AASDH: variants seen among roughly 807,000 people sequenced by gnomAD.
AASDH encodes aminoadipate-semialdehyde dehydrogenase.
In AASDH, 81 loss-of-function variants were observed where a neutral mutation model predicts 102.3. The ratio of observed to expected loss-of-function variants is 0.79; its 90% CI spans 0.66 to 0.95. The LOEUF is 0.95. AASDH is among the 40% of genes least tolerant of loss of function. The pLI is 0.00. For synonymous variants in AASDH, 398 were observed against 454.0 expected (o/e 0.88, Z 1.57); for missense variants, 1,203 against 1,266.2 (o/e 0.95, Z 0.76).
chr4:56,362,150 AAGCTT>A (rs1441432130), intron 5 of AASDH, among the ~76,000 whole-genome samples: 5 of 152,178 alleles, frequency 3.3e-5, no homozygotes. Context: ...ATTTCCTCCA[AAGCTT>A]AGTCCATTTC....
chr4:56,384,098 C>T lies in AASDH; in HGVS notation c.202G>A (p.Gly68Arg), dbSNP rs1245820819. Residue 68 changes from glycine to arginine, a missense_variant, in exon 2 of 15, where the codon GGG becomes AGG. Transcript: ENST00000205214. Reference protein sequence around the residue: ...IREIGLYCQPGIDLPSWILGI... With the variant: ...IREIGLYCQPRIDLPSWILGI... ...AAAATCCAAGAGGGTAAGTCTATCC[C>T]AGGTTGGCAGTAGAGACCAATTTCC... The T allele has an allele frequency of 1.2e-6, 2 of 1,614,012 alleles. No homozygotes were observed. Among genetic ancestry groups the T allele is most frequent in the South Asian group, 2.2e-5 (2 of 91,076 alleles).
chr4:56,342,321 A>T (rs1747798510), intron 14 of AASDH, among the ~76,000 whole-genome samples: 1 of 152,152 alleles, frequency 6.6e-6, no homozygotes, highest in African/African-American at 2.4e-5. Flanking sequence ...ACATAGAAAT[A>T]ATAAGTACTC....
chr4:56,356,160 A>T lies in AASDH; in HGVS notation c.862-737T>A, dbSNP rs1749610870. ...ATGCCAAAAGGAAAGGCCAAGGGAA[A>T]GAAGGTGGCTCTGGCCCCTGCTGTT... is the stretch of plus-strand genomic sequence containing the variant. On this transcript the variant is annotated intron_variant, in intron 5 of 14. Transcript: ENST00000205214. 4.4e-6 allele frequency: 3 copies of T among 687,426 alleles called. No homozygotes were observed. The Admixed American group carries it at 6.5e-5, about 15-fold the overall frequency. 42.6% of individuals were successfully genotyped at this position (687,426 alleles called of 1,614,324 possible). A position where few individuals can be genotyped will look rare whatever the true frequency, so the allele number is the denominator to read the frequency against.
chr4:56,379,551 G>A (rs1028345598), intron 3 of AASDH, among the ~76,000 whole-genome samples: 6 of 151,912 alleles, frequency 3.9e-5, no homozygotes, highest in African/African-American at 7.3e-5. Context: ...CTGTATACCC[G>A]GGGGTAAAAA....
chr4:56,362,934 C>T (rs1054553482), intron 5 of AASDH, among the ~76,000 whole-genome samples: 17 of 152,320 alleles, frequency 1.1e-4, no homozygotes, highest in African/African-American at 4.1e-4. Flanking sequence ...CATCGCCTCA[C>T]CTGGGAAGCG....
intron 5 of AASDH, 30 bp from the exon 6 acceptor site, chr4:56,355,453 T>G: frequency 6.3e-7 from 1 of 1,583,676 alleles, no homozygotes. Flanking sequence ...AATTTATTTA[T>G]TTTCCTTCAC....
chr4:56,356,899 A>C, intron 5 of AASDH: 1 of 935,598 alleles, frequency 1.1e-6, no homozygotes, highest in Non-Finnish European at 1.7e-6. Context: ...CGAAAAGGCA[A>C]ACGCTAAAGA....
intron 3 of AASDH, chr4:56,381,649 T>TCTCTCTCACACACACA (rs3223650): frequency 1.1e-4 from 16 of 142,374 alleles, no homozygotes; most frequent in African/African-American, 4.0e-4. Flanking sequence ...TTGACACTTC[T>TCTCTCTCACACACACA]CACACACACA....
At chr4:56,350,978 G>C (rs769918552) in intron 10 of AASDH, among the ~76,000 whole-genome samples, 2 of 152,156 alleles carry the variant, frequency 1.3e-5, no homozygotes, top group Non-Finnish European at 2.9e-5. Flanking sequence ...TAAGCCCTAA[G>C]TATAACAGAC....
At chr4:56,363,598 A>G (rs1175020936) in intron 5 of AASDH, among the ~76,000 whole-genome samples, 7 of 152,330 alleles carry the variant, frequency 4.6e-5, no homozygotes, top group Non-Finnish European at 1.0e-4. Context: ...CGCTGCTGAT[A>G]CCCAGGCAAA....
At chr4:56,349,230 T>A (rs1458257713) in intron 11 of AASDH, 33 bp downstream of exon 11, 1 of 1,599,562 alleles carries the variant, frequency 6.3e-7, no homozygotes, top group Admixed American at 1.7e-5. Flanking sequence ...GTAATTCAAT[T>A]TAACTCCACA....
chr4:56,379,654 G>C (rs1241342008), intron 3 of AASDH, among the ~76,000 whole-genome samples: 2 of 152,188 alleles, frequency 1.3e-5, no homozygotes, highest in Non-Finnish European at 2.9e-5. Flanking sequence ...CAATGCGTAT[G>C]ATAATAAAGC....
chr4:56,383,525 A>G (rs1255402884), intron 2 of AASDH, among the ~76,000 whole-genome samples: 1 of 152,230 alleles, frequency 6.6e-6, no homozygotes, highest in Admixed American at 6.5e-5. Context: ...TACTTACTGC[A>G]GAGTTCTAGA....
Position 56,349,597 on chromosome 4 carries a change from A to C in AASDH, c.2154T>G (p.Asn718Lys), listed in dbSNP as rs1018797457. Reference protein sequence around the residue: ...SDSVSQTNIQNLKGLNSPVLI... With the variant: ...SDSVSQTNIQKLKGLNSPVLI... ...GAACTGGAGAATTTAAGCCTTTCAAATTTTGAATGTTGGTCTGTGAAACTG... is the reference window on the plus strand; with the variant it reads ...GAACTGGAGAATTTAAGCCTTTCAACTTTTGAATGTTGGTCTGTGAAACTG... The change falls in exon 11 of 15, where the codon AAT becomes AAG. Residue 718 changes from asparagine to lysine, a missense_variant. Transcript: ENST00000205214. 1.2e-6 allele frequency: 2 copies of C among 1,614,072 alleles called. No individual in the cohort carries two copies. The highest frequency in any genetic ancestry group is 2.7e-5 in the African/African-American group (2 of 74,934).
At chr4:56,379,662 A>T (rs1448677676) in intron 3 of AASDH, among the ~76,000 whole-genome samples, 2 of 152,254 alleles carry the variant, frequency 1.3e-5, no homozygotes, top group Non-Finnish European at 2.9e-5. Flanking sequence ...ATGATAATAA[A>T]GCAGGCTTGA....
intron 1 of AASDH, among the ~76,000 whole-genome samples, chr4:56,386,560 G>A (rs1390110031): frequency 1.3e-5 from 2 of 151,796 alleles, no homozygotes; most frequent in African/African-American, 4.8e-5. Flanking sequence ...TTGGGAGGCC[G>A]AGGCGGGTGG....
chr4:56,347,673 G>T (rs539890372), intron 11 of AASDH, among the ~76,000 whole-genome samples: 30 of 152,180 alleles, frequency 2.0e-4, no homozygotes, highest in African/African-American at 7.0e-4. Flanking sequence ...AGGCTGAGGT[G>T]GGCAGATCGC....
chr4:56,341,404 T>TTTTTTTTTTTTTTTTC (rs1747667160), intron 14 of AASDH, among the ~76,000 whole-genome samples: 1 of 137,724 alleles, frequency 7.3e-6, no homozygotes, highest in African/African-American at 2.7e-5. Flanking sequence ...TTTTTTTTTT[T>TTTTTTTTTTTTTTTTC]TTTTTTGGAG....
intron 14 of AASDH, among the ~76,000 whole-genome samples, chr4:56,340,814 AACAAC>A (rs2109837652): frequency 6.6e-6 from 1 of 152,280 alleles, no homozygotes; most frequent in African/African-American, 2.4e-5. Context: ...GAGGAACTCA[AACAAC>A]ACAACAGTAA....
Sources: gnomAD v4.1 joint callset for allele counts (sites outside exome capture counted in the v4.1 genomes callset) on GRCh38, gnomAD v4.1.1 for gene constraint, MANE v1.5 for transcripts, NCBI Gene and HGNC (gene_info 2026-07-23, HGNC 2026-07-21) for gene names.